Variants in NCOA3 observed in about 807,000 individuals in gnomAD.
NCOA3 encodes the protein CBP-interacting protein.
In NCOA3, 51 loss-of-function variants were observed where a neutral mutation model predicts 158.8. The observed-to-expected ratio is 0.32, with a 90% confidence interval of 0.26 to 0.41. The LOEUF (loss-of-function observed/expected upper bound fraction) is 0.41, where lower values mean the gene tolerates loss of function less well. NCOA3 is among the 10% of genes least tolerant of loss of function. NCOA3 has a pLI of 1.00. For missense variants in NCOA3, 1,510 were observed against 1,746.6 expected (o/e 0.86, Z 2.41); for synonymous variants, 537 against 592.4 (o/e 0.91, Z 1.36).
At chr20:47,569,613 G>T (rs530258255) in intron 1 of NCOA3, among the ~76,000 whole-genome samples, 2 of 152,178 alleles carry the variant, frequency 1.3e-5, no homozygotes, top group South Asian at 2.1e-4. Context: ...AACTCGGGAG[G>T]CGGAGGTTGT....
At chr20:47,608,674 T>A (rs1363386373) in intron 2 of NCOA3, among the ~76,000 whole-genome samples, 2 of 151,122 alleles carry the variant, frequency 1.3e-5, no homozygotes, top group African/African-American at 2.4e-5. Context: ...GAATGTTTCT[T>A]AAGTTTTAAT....
intron 17 of NCOA3, among the ~76,000 whole-genome samples, 167 bp downstream of exon 17, chr20:47,642,551 G>A (rs1422304773): frequency 2.6e-5 from 4 of 151,988 alleles, no homozygotes; most frequent in Non-Finnish European, 5.9e-5. Context: ...ATCCTTTTTT[G>A]GTCTCAATTC....
At chr20:47,507,742 G>A (rs138215955) in intron 1 of NCOA3, among the ~76,000 whole-genome samples, 2 of 152,028 alleles carry the variant, frequency 1.3e-5, no homozygotes, top group Non-Finnish European at 2.9e-5. Context: ...CCTCAGCCTC[G>A]TGAGTAGCTA....
At chr20:47,643,194 G>A (rs951633871) in intron 17 of NCOA3, among the ~76,000 whole-genome samples, 4 of 152,228 alleles carry the variant, frequency 2.6e-5, no homozygotes, top group South Asian at 2.1e-4. Flanking sequence ...GATTACAGGC[G>A]TGAGCCACCG....
intron 2 of NCOA3, among the ~76,000 whole-genome samples, chr20:47,616,270 T>C (rs2086135458): frequency 6.8e-6 from 1 of 146,522 alleles, no homozygotes; most frequent in Non-Finnish European, 1.5e-5. Context: ...CCCGGCTCAC[T>C]GCAACCTCCA....
At chr20:47,511,550 T>TATATATATATATACATACATAC in intron 1 of NCOA3, among the ~76,000 whole-genome samples, 5 of 52,268 alleles carry the variant, frequency 9.6e-5, no homozygotes, top group Non-Finnish European at 1.2e-4. Context: ...TATATATATA[T>TATATATATATATACATACATAC]ATATATTTCT....
intron 2 of NCOA3, among the ~76,000 whole-genome samples, chr20:47,587,718 T>C (rs1316487733): frequency 2.0e-5 from 3 of 152,228 alleles, no homozygotes; most frequent in Non-Finnish European, 1.5e-5. Context: ...ATTTATTTTT[T>C]GAGTATTTTT....
At chr20:47,530,080 A>G (rs556751091) in intron 1 of NCOA3, among the ~76,000 whole-genome samples, 1 of 152,218 alleles carries the variant, frequency 6.6e-6, no homozygotes, top group Non-Finnish European at 1.5e-5. Context: ...ATAAAATGGC[A>G]TGTAGCTTTT....
intron 2 of NCOA3, 98 bp downstream of exon 2, chr20:47,583,359 T>C (rs1486364072): frequency 2.5e-6 from 1 of 393,666 alleles, no homozygotes; most frequent in Admixed American, 4.4e-5. Context: ...TAATTAAAAC[T>C]ATTTATGCTT....
At position 47,655,195 on chromosome 20, in the gene NCOA3, C is replaced by T. The variant is rs2086853645; in HGVS notation, c.*1778C>T. On this transcript the variant is annotated 3_prime_UTR_variant, in exon 23 of 23. Transcript: ENST00000371998. ...CTACCACTTTTCTGCTGTTGCCTCT[C>T]TTTGACACCTGTTTTAGTCAGTTGG... 1 of 152,180 alleles carries T rather than the reference C, an allele frequency of 6.6e-6. No homozygotes were observed. The highest frequency in any genetic ancestry group is 1.5e-5 in the Non-Finnish European group (1 of 68,036). 9.4% of individuals were successfully genotyped at this position (152,180 alleles called of 1,614,324 possible).
At chr20:47,519,956 G>T (rs551852823) in intron 1 of NCOA3, among the ~76,000 whole-genome samples, 2 of 148,364 alleles carry the variant, frequency 1.3e-5, no homozygotes, top group African/African-American at 5.0e-5. Flanking sequence ...TAGAACCGGG[G>T]TTTCACCATG....
intron 1 of NCOA3, among the ~76,000 whole-genome samples, chr20:47,513,099 G>A (rs930664726): frequency 1.3e-5 from 2 of 151,794 alleles, no homozygotes; most frequent in Admixed American, 1.3e-4. Flanking sequence ...AGCCCAGAAG[G>A]CAGAGGTTGC....
intron 1 of NCOA3, among the ~76,000 whole-genome samples, chr20:47,531,554 T>C (rs1323928729): frequency 1.3e-5 from 2 of 152,224 alleles, no homozygotes; most frequent in Non-Finnish European, 2.9e-5. Flanking sequence ...TTCTGGACTG[T>C]TGGGCTAGAT....
At position 47,639,657 on chromosome 20, in the gene NCOA3, A is replaced by T; in HGVS notation, c.2788A>T (p.Met930Leu). The T allele has an allele frequency of 6.2e-7, 1 of 1,614,048 alleles. No individual in the cohort carries two copies. ...CTTACCAAACTCAAAGGCCGGCAGA[A>T]TGGAACCTATGAATTCAAACTCCAT... ...WGLPNSKAGR[M>L]EPMNSNSMGR... is the part of the protein sequence containing the mutation. The change falls in exon 15 of 23, where the codon ATG becomes TTG. Residue 930 changes from methionine to leucine, a missense_variant. By Grantham distance (15) the Met-to-Leu change is conservative. Transcript: ENST00000371998.
intron 1 of NCOA3, among the ~76,000 whole-genome samples, chr20:47,558,247 T>A (rs1316866341): frequency 7.1e-6 from 1 of 141,380 alleles, no homozygotes; most frequent in East Asian, 2.0e-4. Flanking sequence ...TTTTTTTTTT[T>A]TTTTTTTTTT....
chr20:47,648,781 C>CA (rs2146344003), intron 18 of NCOA3, among the ~76,000 whole-genome samples: 1 of 152,192 alleles, frequency 6.6e-6, no homozygotes, highest in East Asian at 1.9e-4. Context: ...TTGCACTTTA[C>CA]TTTTTTTTCC....
intron 1 of NCOA3, among the ~76,000 whole-genome samples, chr20:47,524,116 C>A (rs1248669458): frequency 6.6e-6 from 1 of 152,188 alleles, no homozygotes; most frequent in Non-Finnish European, 1.5e-5. Context: ...CTACGGAAGA[C>A]ATTTTACTCC....
intron 16 of NCOA3, 56 bp from the exon 17 acceptor site, chr20:47,642,157 A>AT: frequency 7.5e-7 from 1 of 1,325,344 alleles, no homozygotes; most frequent in Non-Finnish European, 1.0e-6. Context: ...GCTGTGATCT[A>AT]TTACTCTTAG....
intron 1 of NCOA3, among the ~76,000 whole-genome samples, chr20:47,529,873 T>A (rs1015584043): frequency 6.6e-6 from 1 of 152,208 alleles, no homozygotes; most frequent in Non-Finnish European, 1.5e-5. Context: ...TTCCACCTTT[T>A]AAAAAAACTT....
Sources: gnomAD v4.1 joint callset for allele counts (sites outside exome capture counted in the v4.1 genomes callset) on GRCh38, gnomAD v4.1.1 for gene constraint, MANE v1.5 for transcripts, NCBI Gene and HGNC (gene_info 2026-07-23, HGNC 2026-07-21) for gene names.